The following SLCO3A1 variants were observed in gnomAD, a reference collection of about 807,000 sequenced individuals.
SLCO3A1 encodes the protein solute carrier organic anion transporter family member 3A1, also known as PGE1 transporter.
SLCO3A1 carries 27 observed loss-of-function variants against 63.1 expected under a neutral mutation model. The ratio of observed to expected loss-of-function variants is 0.43; its 90% confidence interval spans 0.32 to 0.59. The LOEUF (loss-of-function observed/expected upper bound fraction) is 0.59. SLCO3A1 is among the 20% of genes least tolerant of loss of function. The pLI, the probability that SLCO3A1 is intolerant of heterozygous loss-of-function variation, is 0.09. For synonymous variants in SLCO3A1, 473 were observed against 409.9 expected (o/e 1.15, Z -1.86); for missense variants, 773 against 945.8 (o/e 0.82, Z 2.40).
At chr15:92,136,205 C>T (rs2048055159) in intron 7 of SLCO3A1, among the ~76,000 whole-genome samples, 1 of 152,212 alleles carries the variant, frequency 6.6e-6, no homozygotes, top group African/African-American at 2.4e-5. Flanking sequence ...GATCCTCTAC[C>T]TTTCAAGTTT....
In SLCO3A1 at chr15:91,853,953, C is replaced by T; in HGVS notation, c.45C>T (p.Ser15=). 6.8e-7 allele frequency: 1 copy of T among 1,476,972 alleles called. No homozygotes were observed. 91.5% of individuals were successfully genotyped at this position (1,476,972 alleles called of 1,614,324 possible). A position where few individuals can be genotyped will look rare whatever the true frequency, so the allele number is the denominator to read the frequency against. Reference sequence around the variant, plus strand: ...GCGGTTCGTCGGGCGGCGGCCGGAGCGGCGAGCTGCAGGGGGACGAGGCGC... The same window carrying T: ...GCGGTTCGTCGGGCGGCGGCCGGAGTGGCGAGCTGCAGGGGGACGAGGCGC... The part of the protein sequence containing the change: ...KPGGSSGGGR[S]GELQGDEAQR... The change falls in exon 1 of 10, where the codon AGC becomes AGT. Residue 15 remains serine, a synonymous_variant. Transcript: ENST00000318445.
intron 2 of SLCO3A1, among the ~76,000 whole-genome samples, chr15:92,073,921 C>T (rs1295840458): frequency 6.6e-6 from 1 of 152,220 alleles, no homozygotes; most frequent in African/African-American, 2.4e-5. Context: ...GTAATCCCAG[C>T]ACTTTGGGAG....
intron 2 of SLCO3A1, among the ~76,000 whole-genome samples, chr15:91,992,995 C>T (rs1337588746): frequency 2.0e-5 from 3 of 152,156 alleles, no homozygotes; most frequent in Non-Finnish European, 1.5e-5. Flanking sequence ...GAATCCAGGG[C>T]CCCTTATAAA....
At chr15:91,932,510 A>T (rs1899272131) in intron 2 of SLCO3A1, among the ~76,000 whole-genome samples, 1 of 151,674 alleles carries the variant, frequency 6.6e-6, no homozygotes, top group Non-Finnish European at 1.5e-5. Context: ...CAATGGCATG[A>T]TCTCGGCTCA....
intron 2 of SLCO3A1, among the ~76,000 whole-genome samples, chr15:92,077,503 T>G (rs2151520305): frequency 6.6e-6 from 1 of 152,270 alleles, no homozygotes; most frequent in East Asian, 1.9e-4. Flanking sequence ...GCCACACCAG[T>G]GAGGCAGGCA....
At chr15:92,166,050 T>G (rs201974451), downstream of SLCO3A1, 2 of 344,792 alleles carry the variant, frequency 5.8e-6, no homozygotes, top group South Asian at 1.2e-4. Flanking sequence ...TTTGTTTTGT[T>G]TTTTGTTTTG....
At chr15:91,867,755 G>A (rs1035174990) in intron 1 of SLCO3A1, among the ~76,000 whole-genome samples, 1 of 152,212 alleles carries the variant, frequency 6.6e-6, no homozygotes, top group African/African-American at 2.4e-5. Context: ...GGTAGTCACC[G>A]GGGCCTGGGA....
chr15:91,920,850 A>C (rs1031118506), intron 2 of SLCO3A1, among the ~76,000 whole-genome samples: 2 of 152,128 alleles, frequency 1.3e-5, no homozygotes, highest in African/African-American at 4.8e-5. Context: ...CTAACCTTTC[A>C]TGGGTAGGCG....
At chr15:92,107,893 T>C (rs1289313949) in intron 4 of SLCO3A1, among the ~76,000 whole-genome samples, 1 of 152,242 alleles carries the variant, frequency 6.6e-6, no homozygotes, top group Admixed American at 6.5e-5. Context: ...ACTTAACTCC[T>C]CTCAGCTTTC....
At position 91,854,589 on chromosome 15, in the gene SLCO3A1, G is replaced by T. The variant is rs1567157341; in HGVS notation, c.180+501G>T. Among the ~76,000 whole-genome samples, 1 of 152,118 alleles carries T rather than the reference G, an allele frequency of 6.6e-6. No homozygotes were observed. The highest frequency in any genetic ancestry group is 2.4e-5 in the African/African-American group (1 of 41,422). ...GCGCTTTCTACATCCGCCAATTACAGGGGGATATAACAGCTTAGAGTGAAA... is the reference window on the plus strand; with the variant it reads ...GCGCTTTCTACATCCGCCAATTACATGGGGATATAACAGCTTAGAGTGAAA... On this transcript the variant is annotated intron_variant, in intron 1 of 9. Coordinates refer to ENST00000318445, the MANE Select transcript of SLCO3A1 (RefSeq NM_013272.4). The surrounding 1 kb of genome is among the most constrained non-coding windows in gnomAD (Gnocchi z 6.4).
In SLCO3A1 at chr15:92,163,784, T is replaced by A. The variant is rs1567157570; in HGVS notation, c.*649T>A. 1 of 985,300 alleles carries A rather than the reference T, an allele frequency of 1.0e-6. No individual in the cohort carries two copies. Among genetic ancestry groups the A allele is most frequent in the Non-Finnish European group, 1.2e-6 (1 of 830,024 alleles). The allele number at this position is 985,300 out of a possible 1,614,324, so 61.0% of individuals were successfully genotyped here. A position where few individuals can be genotyped will look rare whatever the true frequency, so the allele number is the denominator to read the frequency against. ...TTCTCTCAGTGATGCTAATGGGTGA[T>A]CCGTGCTGGAGTTTGTAATTGGCAC... On this transcript the variant is annotated 3_prime_UTR_variant, in exon 10 of 10. Transcript: ENST00000318445.
At chr15:92,008,931 A>G (rs1353185636) in intron 2 of SLCO3A1, among the ~76,000 whole-genome samples, 3 of 152,200 alleles carry the variant, frequency 2.0e-5, no homozygotes, top group Non-Finnish European at 4.4e-5. Flanking sequence ...AGGAAACTCT[A>G]TTTGAAGAGA....
rs544759099 is a variant in SLCO3A1 at position 91,924,106 on chromosome 15, C to G, written c.646+7648C>G. ...GTCATGCAGACGGGCTTTGGGCCGG[C>G]TATGGGTGTTGGCATTCTTGTTTTG... On this transcript the variant is annotated intron_variant, in intron 2 of 9. Transcript: ENST00000318445. 3.3e-5 allele frequency among the ~76,000 whole-genome samples: 5 copies of G among 152,296 alleles called. No homozygotes were observed. The South Asian group carries it at 8.3e-4, about 25-fold the overall frequency.
In SLCO3A1 at chr15:91,897,745, G is replaced by A. The variant is rs927244899; in HGVS notation, c.181-18248G>A. Among the ~76,000 whole-genome samples, 8 of 152,270 alleles carry A rather than the reference G, an allele frequency of 5.3e-5. No homozygotes were observed. The highest frequency in any genetic ancestry group is 1.9e-4 in the East Asian group (1 of 5,180). ...TGCTAGGCTGAGTCTACCCTGCAGCGTGGGCTCCAGCAGCAGTGTGTTAAG... is the reference window on the plus strand; with the variant it reads ...TGCTAGGCTGAGTCTACCCTGCAGCATGGGCTCCAGCAGCAGTGTGTTAAG... On this transcript the variant is annotated intron_variant, in intron 1 of 9. Transcript: ENST00000318445. This position sits in a 1 kb window ranked among gnomAD's most constrained non-coding sequence, Gnocchi z 4.7.
At chr15:91,922,996 C>T (rs974859662) in intron 2 of SLCO3A1, among the ~76,000 whole-genome samples, 4 of 152,260 alleles carry the variant, frequency 2.6e-5, no homozygotes, top group East Asian at 1.9e-4. Flanking sequence ...ATGGCATCAC[C>T]GCTGTGCCTG....
intron 4 of SLCO3A1, among the ~76,000 whole-genome samples, chr15:92,113,166 C>G (rs1353089705): frequency 6.6e-6 from 1 of 152,204 alleles, no homozygotes; most frequent in Non-Finnish European, 1.5e-5. Flanking sequence ...TCTCTGTGAT[C>G]CCGAGCGGAG....
chr15:91,951,304 T>A (rs180770520), intron 2 of SLCO3A1, among the ~76,000 whole-genome samples: 3 of 152,232 alleles, frequency 2.0e-5, no homozygotes, highest in Non-Finnish European at 4.4e-5. Context: ...TTAATATACA[T>A]GGAATCAGTG....
At chr15:91,976,138 T>C (rs1016310988) in intron 2 of SLCO3A1, among the ~76,000 whole-genome samples, 2 of 152,156 alleles carry the variant, frequency 1.3e-5, no homozygotes, top group African/African-American at 2.4e-5. Context: ...CAGCCTGGGC[T>C]AGAAAGCAGA....
intron 2 of SLCO3A1, among the ~76,000 whole-genome samples, chr15:92,008,856 A>G (rs2046339857): frequency 6.6e-6 from 1 of 152,236 alleles, no homozygotes; most frequent in African/African-American, 2.4e-5. Flanking sequence ...TGCTTTGGAT[A>G]GCATCAGTCA....
Sources: gnomAD v4.1 joint callset for allele counts (sites outside exome capture counted in the v4.1 genomes callset) on GRCh38, gnomAD v4.1.1 for gene constraint, Gnocchi (gnomAD v3.1) non-coding constraint, MANE v1.5 for transcripts, NCBI Gene and HGNC (gene_info 2026-07-23, HGNC 2026-07-21) for gene names.